The following ATP2B2 variants were observed in gnomAD, a reference collection of about 807,000 sequenced individuals.
ATP2B2 encodes the protein ATPase plasma membrane Ca2+ transporting 2.
Under a neutral mutation model 120.0 loss-of-function variants are expected in ATP2B2, and 15 were observed. The observed-to-expected ratio is 0.12, with a 90% CI of 0.08 to 0.19. The LOEUF is 0.19. ATP2B2 is among the 10% of genes least tolerant of loss of function. ATP2B2 has a pLI of 1.00. For synonymous variants in ATP2B2, 694 were observed against 700.3 expected, an observed-to-expected ratio of 0.99 and a Z score of 0.14; for missense variants, 1,045 against 1,719.8, an observed-to-expected ratio of 0.61 and a Z score of 6.94.
intron 3 of ATP2B2, among the ~76,000 whole-genome samples, chr3:10,516,473 C>G (rs1233790397): frequency 6.6e-6 from 1 of 152,204 alleles, no homozygotes; most frequent in African/African-American, 2.4e-5. Flanking sequence ...AAAGGCACTT[C>G]CCAAACAGCC....
chr3:10,496,390 C>T (rs2066149060), intron 1 of ATP2B2, among the ~76,000 whole-genome samples: 1 of 152,178 alleles, frequency 6.6e-6, no homozygotes, highest in African/African-American at 2.4e-5. Flanking sequence ...CGGGCAATTG[C>T]ACACAGCATC....
At chr3:10,686,432 A>C (rs966617709) in intron 1 of ATP2B2, among the ~76,000 whole-genome samples, 1 of 152,106 alleles carries the variant, frequency 6.6e-6, no homozygotes, top group Non-Finnish European at 1.5e-5. Flanking sequence ...AGGCGGGCGG[A>C]TTGCAAGGTC....
intron 1 of ATP2B2, among the ~76,000 whole-genome samples, chr3:10,463,504 C>T (rs926593497): frequency 1.3e-5 from 2 of 152,226 alleles, no homozygotes; most frequent in African/African-American, 2.4e-5. Flanking sequence ...CATATGAACC[C>T]CAGGAAGGAG....
intron 1 of ATP2B2, among the ~76,000 whole-genome samples, chr3:10,622,167 C>T (rs540114855): frequency 7.9e-5 from 12 of 152,184 alleles, no homozygotes; most frequent in Admixed American, 7.9e-4. Flanking sequence ...TACCCAAGGC[C>T]CTGAACTCCT....
chr3:10,601,217 G>A (rs561397749), intron 2 of ATP2B2, among the ~76,000 whole-genome samples: 1 of 152,296 alleles, frequency 6.6e-6, no homozygotes, highest in East Asian at 1.9e-4. Context: ...AGTCCCCAGA[G>A]GCCATGATTG....
At chr3:10,684,445 C>T (rs535720618) in intron 1 of ATP2B2, among the ~76,000 whole-genome samples, 3 of 152,332 alleles carry the variant, frequency 2.0e-5, no homozygotes, top group African/African-American at 7.2e-5. Flanking sequence ...GAACCAATCC[C>T]TTTCTTGCTT....
rs1383733895 is a variant in ATP2B2, at chr3:10,327,425, G to A, written c.*1389C>T. The A allele has an allele frequency of 6.6e-6, 1 of 152,476 alleles. No homozygotes were observed. Among genetic ancestry groups the A allele is most frequent in the South Asian group, 2.1e-4 (1 of 4,824 alleles). 9.4% of individuals were successfully genotyped at this position (152,476 alleles called of 1,614,324 possible). On this transcript the variant is annotated 3_prime_UTR_variant, in exon 23 of 23. Transcript: ENST00000360273. ...GGATCTAAATAGTGCAGAGAAAAAG[G>A]CTATTCTTCTTCAAAAATAAAAATA...
At chr3:10,643,632 A>G (rs1352527329) in intron 1 of ATP2B2, among the ~76,000 whole-genome samples, 1 of 152,252 alleles carries the variant, frequency 6.6e-6, no homozygotes, top group Non-Finnish European at 1.5e-5. Context: ...GTTAATCAAG[A>G]GGAAACAGAC....
intron 14 of ATP2B2, among the ~76,000 whole-genome samples, chr3:10,357,224 G>A (rs934582343): frequency 1.3e-5 from 2 of 152,086 alleles, no homozygotes; most frequent in Non-Finnish European, 2.9e-5. Context: ...GTTGCTCGTA[G>A]ATGCATGATC....
At chr3:10,531,633 A>G (rs2067212202) in intron 3 of ATP2B2, among the ~76,000 whole-genome samples, 1 of 152,166 alleles carries the variant, frequency 6.6e-6, no homozygotes, top group African/African-American at 2.4e-5. Flanking sequence ...CATGGGTTGT[A>G]TGTGTGGAGA....
intron 1 of ATP2B2, among the ~76,000 whole-genome samples, chr3:10,487,269 G>A (rs808932): frequency 6.6e-6 from 1 of 151,942 alleles, no homozygotes. Context: ...TGCACATACA[G>A]AGAGACACAC....
chr3:10,538,817 A>C (rs1279658914), intron 2 of ATP2B2, among the ~76,000 whole-genome samples: 1 of 152,232 alleles, frequency 6.6e-6, no homozygotes, highest in Non-Finnish European at 1.5e-5. Flanking sequence ...AACTGGCACA[A>C]GACAGGGATG....
chr3:10,616,676 C>T (rs1388571727), intron 2 of ATP2B2, among the ~76,000 whole-genome samples: 1 of 101,820 alleles, frequency 9.8e-6, no homozygotes, highest in African/African-American at 3.8e-5. Flanking sequence ...AGCTGACTAG[C>T]AAAATGCACA....
At chr3:10,633,256 T>A (rs1016326185) in intron 1 of ATP2B2, among the ~76,000 whole-genome samples, 1 of 152,198 alleles carries the variant, frequency 6.6e-6, no homozygotes, top group African/African-American at 2.4e-5. Flanking sequence ...TTAACACATA[T>A]GAGTGCTTCC....
intron 2 of ATP2B2, among the ~76,000 whole-genome samples, chr3:10,577,208 C>T (rs77980156): frequency 0.19 from 28,935 of 152,092 alleles, 3,324 homozygotes; most frequent in Non-Finnish European, 0.25. Flanking sequence ...TGGAGAATCA[C>T]ATTCACCTTA....
chr3:10,652,660 T>A (rs926888767), intron 1 of ATP2B2, among the ~76,000 whole-genome samples: 1 of 152,190 alleles, frequency 6.6e-6, no homozygotes, highest in African/African-American at 2.4e-5. Context: ...TGCACACCCA[T>A]GTTTGTGGCA....
chr3:10,625,539 C>T (rs1488840505), intron 1 of ATP2B2, among the ~76,000 whole-genome samples: 5 of 152,240 alleles, frequency 3.3e-5, no homozygotes, highest in African/African-American at 1.2e-4. Flanking sequence ...GTTTGAGTTA[C>T]AGAATCCGGA....
chr3:10,498,540 G>GGT (rs2066249798), intron 1 of ATP2B2, among the ~76,000 whole-genome samples: 2 of 152,258 alleles, frequency 1.3e-5, no homozygotes, highest in Non-Finnish European at 2.9e-5. Context: ...CTGCAAGGCA[G>GGT]GTGTTTGACA....
chr3:10,468,495 G>T (rs1002441670), intron 1 of ATP2B2, among the ~76,000 whole-genome samples: 1 of 152,244 alleles, frequency 6.6e-6, no homozygotes, highest in Non-Finnish European at 1.5e-5. Context: ...CCCCAGGGAG[G>T]AGCGGCCACC....
Sources: gnomAD v4.1 joint callset for allele counts (sites outside exome capture counted in the v4.1 genomes callset) on GRCh38, gnomAD v4.1.1 for gene constraint, MANE v1.5 for transcripts, NCBI Gene and HGNC (gene_info 2026-07-23, HGNC 2026-07-21) for gene names.